Variants in KCNMA1 observed in about 807,000 individuals in gnomAD.
KCNMA1 encodes potassium calcium-activated channel subfamily M alpha 1, also known as Calcium-activated potassium channel subunit alpha-1.
A neutral mutation model predicts 140.0 loss-of-function variants in KCNMA1; 29 were observed. That is an observed-to-expected ratio of 0.21 (90% CI 0.15 to 0.28). The LOEUF is 0.28. Ranked by LOEUF, KCNMA1 falls within the 10% of genes least tolerant of loss-of-function variation. The pLI, the probability that KCNMA1 is intolerant of heterozygous loss-of-function variation, is 1.00. For missense variants in KCNMA1, 880 were observed against 1,602.2 expected, an observed-to-expected ratio of 0.55 and a Z score of 7.70; for synonymous variants, 612 against 611.9, an observed-to-expected ratio of 1.00 and a Z score of 0.00.
At chr10:77,203,583 G>C (rs1372700943) in intron 3 of KCNMA1, among the ~76,000 whole-genome samples, 1 of 152,122 alleles carries the variant, frequency 6.6e-6, no homozygotes. Flanking sequence ...GAGCTCCTGA[G>C]GGGAGAGCCT....
intron 20 of KCNMA1, among the ~76,000 whole-genome samples, chr10:76,968,880 G>A (rs1399441020): frequency 2.6e-5 from 4 of 152,216 alleles, no homozygotes; most frequent in Non-Finnish European, 5.9e-5. Flanking sequence ...AAAGGTGGAT[G>A]TGGAGGGCCA....
In KCNMA1 at chr10:77,456,826, T is replaced by G. The variant is rs545180937; in HGVS notation, c.379-52803A>C. ...GAGAGGCAGGGAACAGACAGGGGAC[T>G]CTCCTAACAGGCTGGATCTTCCAGG... On this transcript the variant is annotated intron_variant, in intron 1 of 27. Transcript: ENST00000286628. Among the ~76,000 whole-genome samples the G allele has an allele frequency of 7.2e-5, 11 of 152,268 alleles. No homozygotes were observed. The South Asian group carries it at 2.3e-3, about 32-fold the overall frequency.
intron 2 of KCNMA1, among the ~76,000 whole-genome samples, chr10:77,400,127 A>G (rs1244359727): frequency 5.9e-5 from 9 of 152,240 alleles, no homozygotes; most frequent in Non-Finnish European, 2.9e-5. Context: ...CTCAAGACAA[A>G]CACAGCTTTG....
chr10:77,580,380 CAAAAA>C (rs35626401), intron 1 of KCNMA1, among the ~76,000 whole-genome samples: 2 of 95,518 alleles, frequency 2.1e-5, no homozygotes, highest in Admixed American at 1.1e-4. Flanking sequence ...GACTCCATCT[CAAAAA>C]AAAAAAAAAA....
At chr10:77,263,721 C>T (rs532197071) in intron 2 of KCNMA1, among the ~76,000 whole-genome samples, 1 of 152,266 alleles carries the variant, frequency 6.6e-6, no homozygotes, top group South Asian at 2.1e-4. Flanking sequence ...AATGACCATT[C>T]AGCTGACGAT....
At chr10:77,338,829 C>T (rs1365561763) in intron 2 of KCNMA1, among the ~76,000 whole-genome samples, 3 of 152,152 alleles carry the variant, frequency 2.0e-5, no homozygotes, top group Non-Finnish European at 4.4e-5. Context: ...GATCTAAAGC[C>T]CCTGTCTTGG....
chr10:77,413,148 C>T (rs891401507), intron 1 of KCNMA1, among the ~76,000 whole-genome samples: 2 of 152,090 alleles, frequency 1.3e-5, no homozygotes, highest in Non-Finnish European at 2.9e-5. Flanking sequence ...AGTGAGCCAC[C>T]TCGCCCGGCC....
intron 2 of KCNMA1, among the ~76,000 whole-genome samples, chr10:77,388,085 C>A (rs974515350): frequency 6.6e-6 from 1 of 152,322 alleles, no homozygotes; most frequent in East Asian, 1.9e-4. Context: ...CTCTTCTAAT[C>A]CTTAAACACT....
chr10:77,119,013 AG>A (rs1482666908), intron 6 of KCNMA1, among the ~76,000 whole-genome samples: 1 of 152,224 alleles, frequency 6.6e-6, no homozygotes, highest in African/African-American at 2.4e-5. Flanking sequence ...TGCTGGAAAA[AG>A]GCTGTTTTGG....
At chr10:77,247,493 T>C (rs1452029563) in intron 3 of KCNMA1, among the ~76,000 whole-genome samples, 1 of 152,172 alleles carries the variant, frequency 6.6e-6, no homozygotes, top group African/African-American at 2.4e-5. Context: ...CAGGCACTCT[T>C]GACTTGGTTG....
intron 9 of KCNMA1, chr10:77,090,840 T>C (rs1439947137): frequency 5.2e-6 from 2 of 385,242 alleles, no homozygotes; most frequent in East Asian, 1.1e-4. Flanking sequence ...CATTATCAAG[T>C]CCCTTGCAGA....
intron 2 of KCNMA1, among the ~76,000 whole-genome samples, chr10:77,330,510 A>G (rs2085968328): frequency 6.6e-6 from 1 of 152,216 alleles, no homozygotes; most frequent in South Asian, 2.1e-4. Flanking sequence ...ATGAAATACA[A>G]ACAATGGCAA....
intron 14 of KCNMA1, among the ~76,000 whole-genome samples, chr10:77,062,096 A>T (rs969544584): frequency 6.6e-6 from 1 of 152,226 alleles, no homozygotes; most frequent in African/African-American, 2.4e-5. Context: ...CTACACATAC[A>T]CAAAATCAAC....
chr10:77,135,798 C>G (rs1050337838), intron 5 of KCNMA1, among the ~76,000 whole-genome samples: 4 of 152,022 alleles, frequency 2.6e-5, no homozygotes, highest in African/African-American at 7.3e-5. Flanking sequence ...GAAAGAGGGG[C>G]TGGGGCGGTT....
intron 1 of KCNMA1, among the ~76,000 whole-genome samples, chr10:77,545,618 G>A (rs576793776): frequency 3.8e-4 from 58 of 152,254 alleles, no homozygotes; most frequent in African/African-American, 8.7e-4. Flanking sequence ...GGTGCCCCCC[G>A]GGCCCTGCCT....
At chr10:76,913,997 G>T in intron 24 of KCNMA1, 1 of 1,290,806 alleles carries the variant, frequency 7.7e-7, no homozygotes, top group Non-Finnish European at 1.1e-6. Context: ...GATGATAGTT[G>T]GAAACACCAA....
chr10:77,018,807 G>C (rs1413750459), intron 17 of KCNMA1, among the ~76,000 whole-genome samples: 2 of 152,116 alleles, frequency 1.3e-5, no homozygotes, highest in Non-Finnish European at 2.9e-5. Context: ...CAGGTAACTA[G>C]GCTTCCTAGT....
chr10:77,233,034 G>A (rs2054148652), intron 3 of KCNMA1, among the ~76,000 whole-genome samples: 1 of 151,998 alleles, frequency 6.6e-6, no homozygotes. Context: ...TCACAAGCGT[G>A]TGCCACCATA....
In KCNMA1 at chr10:77,255,866, T is replaced by C. The variant is rs544203193; in HGVS notation, c.541-4610A>G. On this transcript the variant is annotated intron_variant, in intron 2 of 27. Transcript: ENST00000286628. ...AGGCAGAGGTTGCAGTTAGCCGAGA[T>C]GGTGCCATTGCACTCCAGCCTGGGC... Among the ~76,000 whole-genome samples, 8 of 142,822 alleles carry C rather than the reference T, an allele frequency of 5.6e-5. No individual in the cohort carries two copies. The South Asian group carries it at 1.8e-3, about 32-fold the overall frequency. 93.7% of individuals were successfully genotyped at this position (142,822 alleles called of 152,430 possible). A position where few individuals can be genotyped will look rare whatever the true frequency, so the allele number is the denominator to read the frequency against.
Sources: allele counts gnomAD v4.1 joint callset (sites outside exome capture counted in the v4.1 genomes callset), GRCh38; gene constraint gnomAD v4.1.1; transcripts MANE v1.5; gene names NCBI Gene and HGNC (gene_info 2026-07-23, HGNC 2026-07-21).